KLHL6: variants seen among roughly 807,000 people sequenced by gnomAD.
KLHL6 encodes the protein kelch like family member 6, also known as kelch-like protein 6.
Under a neutral mutation model 58.6 loss-of-function variants are expected in KLHL6, and 41 were observed. The ratio of observed to expected loss-of-function variants is 0.70; its 90% CI spans 0.55 to 0.91. The LOEUF (loss-of-function observed/expected upper bound fraction) is 0.91, where lower values mean the gene tolerates loss of function less well. Ranked by LOEUF, KLHL6 falls within the 40% of genes least tolerant of loss-of-function variation. KLHL6 has a pLI of 0.00. For synonymous variants in KLHL6, 338 were observed against 322.7 expected (o/e 1.05, Z -0.51); for missense variants, 714 against 805.6 (o/e 0.89, Z 1.38).
At position 183,492,540 on chromosome 3, in the gene KLHL6, A is replaced by G. The variant is rs748080991; in HGVS notation, c.1518T>C (p.Ala506=). ...WSLKAAMPVE[A]KCINAVSFRD... ...GGAAACTCACTGCATTGATGCATTT[A>G]GCCTCCACGGGCATGGCCGCCTTCA... The change falls in exon 6 of 7, where the codon GCT becomes GCC. Residue 506 remains alanine (A), a synonymous_variant. Transcript: ENST00000341319. This position sits in a 1 kb window ranked among gnomAD's most constrained non-coding sequence, Gnocchi z 5.9. 6.2e-7 allele frequency: 1 copy of G among 1,614,234 alleles called. No individual in the cohort carries two copies. The highest frequency in any genetic ancestry group is 1.3e-5 in the African/African-American group (1 of 75,064).
In KLHL6 at chr3:183,488,404, C is replaced by T. The variant is rs934569436; in HGVS notation, c.*3523G>A. 2.0e-5 allele frequency: 3 copies of T among 152,340 alleles called. No individual in the cohort carries two copies. 9.4% of individuals were successfully genotyped at this position (152,340 alleles called of 1,614,324 possible). ...AGAATACTCCCTTACCCTTATTCTC[C>T]CTCACCCTTCTTGGGACTAGAGCCA... On this transcript the variant is annotated 3_prime_UTR_variant, in exon 7 of 7. Transcript: ENST00000341319.
At chr3:183,534,134 ACTTTTAAAGTACT>A (rs1712278571) in intron 1 of KLHL6, among the ~76,000 whole-genome samples, 1 of 142,618 alleles carries the variant, frequency 7.0e-6, no homozygotes, top group African/African-American at 2.6e-5. Flanking sequence ...AGTACTTTGT[ACTTTTAAAGTACT>A]TTAAAAGTAC....
At chr3:183,548,097 C>T (rs897981481) in intron 1 of KLHL6, among the ~76,000 whole-genome samples, 1 of 152,156 alleles carries the variant, frequency 6.6e-6, no homozygotes, top group East Asian at 1.9e-4. Context: ...TGCCTTAGGA[C>T]ATCAGTCTGG....
Position 183,508,508 on chromosome 3 carries a change from A to G in KLHL6, c.460T>C (p.Phe154Leu). The G allele has an allele frequency of 2.5e-6, 4 of 1,611,700 alleles. No homozygotes were observed. The highest frequency in any genetic ancestry group is 3.4e-6 in the Non-Finnish European group (4 of 1,178,632). ...GCACAGGCATCCACCATCCGCAGGA[A>G]CTGATGAAATAGAAAGGGTGGAAAG... ...RVLEAANLFQ[F>L]LRMVDACASF... The change falls in exon 3 of 7, where the codon TTC becomes CTC. Residue 154 changes from phenylalanine (F) to leucine (L), a missense_variant and splice_region_variant. Phe to Leu is a conservative substitution (Grantham distance 22). Transcript: ENST00000341319.
At chr3:183,553,074 T>C (rs1481320011) in intron 1 of KLHL6, among the ~76,000 whole-genome samples, 1 of 152,142 alleles carries the variant, frequency 6.6e-6, no homozygotes, top group Non-Finnish European at 1.5e-5. Flanking sequence ...GAAAGAATCC[T>C]GTCTCCAGGA....
In KLHL6 at chr3:183,489,082, T is replaced by G. The variant is rs1348093835; in HGVS notation, c.*2845A>C. On this transcript the variant is annotated 3_prime_UTR_variant, in exon 7 of 7. Coordinates refer to ENST00000341319, the MANE Select transcript of KLHL6 (RefSeq NM_130446.4). ...GCACAGAAATCCCAAATCCTCACTT[T>G]CCCAGCATAGGGTTGACCTGCTGAT... The G allele has an allele frequency of 6.6e-6, 1 of 152,194 alleles. No individual in the cohort carries two copies. The highest frequency in any genetic ancestry group is 3.2e-3 in the Middle Eastern group (1 of 316). 9.4% of individuals were successfully genotyped at this position (152,194 alleles called of 1,614,324 possible). A position where few individuals can be genotyped will look rare whatever the true frequency, so the allele number is the denominator to read the frequency against.
In KLHL6 at chr3:183,491,692, G is replaced by C; in HGVS notation, c.*235C>G. 2.5e-6 allele frequency: 1 copy of C among 402,782 alleles called. No individual in the cohort carries two copies. The highest frequency in any genetic ancestry group is 4.4e-6 in the Non-Finnish European group (1 of 228,796). 25.0% of individuals were successfully genotyped at this position (402,782 alleles called of 1,614,324 possible). On this transcript the variant is annotated 3_prime_UTR_variant, in exon 7 of 7. Transcript: ENST00000341319. The stretch of plus-strand genomic sequence containing the variant: ...GGCATAGGGTGGGTGGGTCCTGAAT[G>C]CTAAATATTACTCTTCCTCGCCTCC...
intron 1 of KLHL6, among the ~76,000 whole-genome samples, chr3:183,537,307 G>T (rs898935356): frequency 2.0e-5 from 3 of 152,106 alleles, no homozygotes; most frequent in Non-Finnish European, 4.4e-5. Context: ...GGAGTTCAAG[G>T]CCTTTTGCGG....
At chr3:183,530,933 G>C (rs1712135867) in intron 1 of KLHL6, among the ~76,000 whole-genome samples, 1 of 150,532 alleles carries the variant, frequency 6.6e-6, no homozygotes, top group South Asian at 2.1e-4. Flanking sequence ...CCAAGTTCAA[G>C]TGATTCTCCT....
chr3:183,549,001 G>C (rs1007884122), intron 1 of KLHL6: 1 of 151,596 alleles, frequency 6.6e-6, no homozygotes, highest in Non-Finnish European at 1.5e-5. Context: ...GTCGGCGGGT[G>C]GGGGACAAGG....
chr3:183,523,371 A>G (rs1324981463), intron 2 of KLHL6, among the ~76,000 whole-genome samples: 1 of 152,210 alleles, frequency 6.6e-6, no homozygotes, highest in African/African-American at 2.4e-5. Context: ...CTGGACCTTC[A>G]CCAATGTCTC....
At chr3:183,546,914 T>TTC (rs1712739118) in intron 1 of KLHL6, among the ~76,000 whole-genome samples, 1 of 149,260 alleles carries the variant, frequency 6.7e-6, no homozygotes, top group African/African-American at 2.5e-5. Flanking sequence ...CATAAGTCTT[T>TTC]TTTTTTTTTT....
At chr3:183,533,270 T>TTTCCTTCCTTCC (rs376539158) in intron 1 of KLHL6, among the ~76,000 whole-genome samples, 161 of 150,392 alleles carry the variant, frequency 1.1e-3, no homozygotes, top group African/African-American at 3.7e-3. Context: ...TCCTTCCTTC[T>TTTCCTTCCTTCC]TTCCTTCCTT....
In KLHL6 at chr3:183,489,063, A is replaced by T. The variant is rs1161975439; in HGVS notation, c.*2864T>A. ...ATTTAGAATCAGGTTTATAGCACAG[A>T]AATCCCAAATCCTCACTTTCCCAGC... is the stretch of plus-strand genomic sequence containing the variant. On this transcript the variant is annotated 3_prime_UTR_variant, in exon 7 of 7. Transcript: ENST00000341319. 6.6e-6 allele frequency: 1 copy of T among 152,222 alleles called. No individual in the cohort carries two copies. Among genetic ancestry groups the T allele is most frequent in the Non-Finnish European group, 1.5e-5 (1 of 68,046 alleles). 9.4% of individuals were successfully genotyped at this position (152,222 alleles called of 1,614,324 possible). A position where few individuals can be genotyped will look rare whatever the true frequency, so the allele number is the denominator to read the frequency against.
chr3:183,519,612 C>A (rs999314637), intron 2 of KLHL6, among the ~76,000 whole-genome samples: 6 of 151,962 alleles, frequency 3.9e-5, no homozygotes, highest in Admixed American at 3.9e-4. Context: ...GTTTGGACGA[C>A]CACAGTGCTC....
intron 1 of KLHL6, among the ~76,000 whole-genome samples, chr3:183,536,423 G>T (rs771509548): frequency 2.6e-5 from 4 of 152,210 alleles, no homozygotes; most frequent in Non-Finnish European, 5.9e-5. Context: ...GTTTGCATGT[G>T]CACAAGCCAA....
At position 183,553,977 on chromosome 3, in the gene KLHL6, C is replaced by CA. The variant is rs59243986; in HGVS notation, c.293+1383dup. On this transcript the variant is annotated intron_variant, in intron 1 of 6. Coordinates refer to ENST00000341319, the MANE Select transcript of KLHL6 (RefSeq NM_130446.4). ...AAGAAACGTTTCCCCCCAAGCACCT[C>CA]AAAAAAAAAAAAAAGAAAGAAAGAA... is the stretch of plus-strand genomic sequence containing the variant. 8.7e-3 allele frequency among the ~76,000 whole-genome samples: 1,106 copies of CA among 127,624 alleles called. 10 individuals carry two copies. Among genetic ancestry groups the CA allele is most frequent in the Middle Eastern group, 0.016 (4 of 252 alleles). The allele number at this position is 127,624 out of a possible 152,430, so 83.7% of individuals were successfully genotyped here.
rs1717523221 is a variant in KLHL6, at chr3:183,490,739, A to AACCAG, written c.*1187_*1188insCTGGT. On this transcript the variant is annotated 3_prime_UTR_variant, in exon 7 of 7. Transcript: ENST00000341319. ...AAAATCACTTGAACCAGGGTGACAG[A>AACCAG]GGTTGCAGTGAGCCGAGATCATGCC... 1 of 151,246 alleles carries AACCAG rather than the reference A, an allele frequency of 6.6e-6. No homozygotes were observed. Among genetic ancestry groups the AACCAG allele is most frequent in the Admixed American group, 6.6e-5 (1 of 15,142 alleles). The allele number at this position is 151,246 out of a possible 1,614,324, so 9.4% of individuals were successfully genotyped here.
chr3:183,542,605 T>C (rs1471799408), intron 1 of KLHL6, among the ~76,000 whole-genome samples: 1 of 152,168 alleles, frequency 6.6e-6, no homozygotes, highest in African/African-American at 2.4e-5. Context: ...TTAATGCCCT[T>C]CTGTAAGCTC....
Sources: allele counts gnomAD v4.1 joint callset (sites outside exome capture counted in the v4.1 genomes callset), GRCh38; gene constraint gnomAD v4.1.1; non-coding constraint Gnocchi (gnomAD v3.1); transcripts MANE v1.5; gene names NCBI Gene and HGNC (gene_info 2026-07-23, HGNC 2026-07-21).